The following ADGRB3 variants were observed in gnomAD, a reference collection of about 807,000 sequenced individuals.
ADGRB3 encodes adhesion G protein-coupled receptor B3.
In ADGRB3, 37 loss-of-function variants were observed where a neutral mutation model predicts 193.4. The observed-to-expected ratio is 0.19, with a 90% CI of 0.15 to 0.25. The LOEUF (loss-of-function observed/expected upper bound fraction) is 0.25. Ranked by LOEUF, ADGRB3 falls within the 10% of genes least tolerant of loss-of-function variation. The probability of loss-of-function intolerance (pLI) is 1.00; values close to 1 mark genes in which losing one functional copy is unlikely to be tolerated. For missense variants in ADGRB3, 1,637 were observed against 1,852.9 expected, an observed-to-expected ratio of 0.88 and a Z score of 2.14; for synonymous variants, 690 against 644.2, an observed-to-expected ratio of 1.07 and a Z score of -1.08.
chr6:68,952,187 T>C (rs1455000946), intron 6 of ADGRB3, among the ~76,000 whole-genome samples: 1 of 152,104 alleles, frequency 6.6e-6, no homozygotes, highest in East Asian at 1.9e-4. Context: ...ATGACACTAG[T>C]GTTTCTAGAA....
intron 17 of ADGRB3, among the ~76,000 whole-genome samples, chr6:69,147,000 G>A (rs1426516490): frequency 6.6e-6 from 1 of 151,522 alleles, no homozygotes; most frequent in Non-Finnish European, 1.5e-5. Flanking sequence ...CAGTGGTAAT[G>A]TCTCCTTTAT....
chr6:69,345,372 A>T (rs1769062725), intron 26 of ADGRB3, among the ~76,000 whole-genome samples: 1 of 152,180 alleles, frequency 6.6e-6, no homozygotes, highest in African/African-American at 2.4e-5. Flanking sequence ...GGCAAACTGA[A>T]TCCAACAGCA....
chr6:69,069,697 C>T (rs1772018612), intron 16 of ADGRB3, among the ~76,000 whole-genome samples: 1 of 142,122 alleles, frequency 7.0e-6, no homozygotes, highest in Non-Finnish European at 1.5e-5. Context: ...TGCCACTGCA[C>T]TCCAGGCTGG....
At chr6:69,007,693 TCACACACACACACACACA>T (rs764934080) in intron 11 of ADGRB3, among the ~76,000 whole-genome samples, 1 of 90,080 alleles carries the variant, frequency 1.1e-5, no homozygotes, top group South Asian at 3.3e-4. Context: ...TCTCTCTCTC[TCACACACACACACACACA>T]CACACACACA....
At chr6:69,128,300 A>G (rs1773911816) in intron 17 of ADGRB3, among the ~76,000 whole-genome samples, 1 of 152,164 alleles carries the variant, frequency 6.6e-6, no homozygotes, top group African/African-American at 2.4e-5. Context: ...TTTTACTTAA[A>G]GACTTAATTC....
chr6:68,773,160 T>C (rs1160898224), intron 3 of ADGRB3, among the ~76,000 whole-genome samples: 1 of 151,776 alleles, frequency 6.6e-6, no homozygotes, highest in Non-Finnish European at 1.5e-5. Flanking sequence ...TGTCTTATTT[T>C]TTCTCAGCCA....
chr6:69,316,607 T>A (rs1768318215), intron 20 of ADGRB3, among the ~76,000 whole-genome samples: 1 of 151,488 alleles, frequency 6.6e-6, no homozygotes, highest in Admixed American at 6.6e-5. Flanking sequence ...TCCCATAATT[T>A]GTAAGTGAAA....
At chr6:68,894,049 T>C (rs1003986409) in intron 3 of ADGRB3, among the ~76,000 whole-genome samples, 2 of 151,964 alleles carry the variant, frequency 1.3e-5, no homozygotes, top group Non-Finnish European at 1.5e-5. Context: ...TAAAAAGTAA[T>C]CCTGCTACAG....
chr6:69,095,311 C>T (rs537207064), intron 17 of ADGRB3, among the ~76,000 whole-genome samples: 1 of 150,330 alleles, frequency 6.7e-6, no homozygotes, highest in African/African-American at 2.4e-5. Context: ...TCATGGGAGG[C>T]CTTCAACAGA....
intron 31 of ADGRB3, 110 bp from the exon 32 acceptor site, chr6:69,388,593 C>T: frequency 9.6e-7 from 1 of 1,042,864 alleles, no homozygotes; most frequent in Non-Finnish European, 1.4e-6. Context: ...GTCATCTCTG[C>T]ATCACAGAAA....
At chr6:69,352,116 C>T (rs1202873696) in intron 26 of ADGRB3, among the ~76,000 whole-genome samples, 4 of 152,044 alleles carry the variant, frequency 2.6e-5, no homozygotes, top group African/African-American at 7.2e-5. Flanking sequence ...AACAGATATA[C>T]TTTCTTAATG....
rs547762000 is a variant in ADGRB3, at chr6:68,800,810, CATT to C, written c.758-129747_758-129745del. Among the ~76,000 whole-genome samples the C allele has an allele frequency of 3.0e-3, 457 of 152,148 alleles. 6 individuals carry two copies. The highest frequency in any genetic ancestry group is 0.011 in the African/African-American group (446 of 41,514). ...TGAAATTGTTATACAAAAATAAAAG[CATT>C]AATATTATGACTTAAGACAGGTACA... On this transcript the variant is annotated intron_variant, in intron 3 of 31. Coordinates refer to ENST00000370598, the MANE Select transcript of ADGRB3 (RefSeq NM_001704.3).
Position 68,779,230 on chromosome 6 carries a change from A to ATGTGTGTG in ADGRB3, c.757+139822_757+139829dup, listed in dbSNP as rs4038665. Among the ~76,000 whole-genome samples, 282 of 144,602 alleles carry ATGTGTGTG rather than the reference A, an allele frequency of 2.0e-3. 1 individual carries two copies. Among genetic ancestry groups the ATGTGTGTG allele is most frequent in the East Asian group, 0.018 (89 of 4,826 alleles). The allele number at this position is 144,602 out of a possible 152,430, so 94.9% of individuals were successfully genotyped here. On this transcript the variant is annotated intron_variant, in intron 3 of 31. Coordinates refer to ENST00000370598, the MANE Select transcript of ADGRB3 (RefSeq NM_001704.3). ...TTTGTATTGTATATATGTATATATT[A>ATGTGTGTG]TGTGTGTGTGTGTGTGTGTGTGTGT...
At chr6:69,214,297 A>G (rs1170878980) in intron 17 of ADGRB3, among the ~76,000 whole-genome samples, 1 of 152,142 alleles carries the variant, frequency 6.6e-6, no homozygotes, top group Non-Finnish European at 1.5e-5. Flanking sequence ...TCAGCTTAGT[A>G]ATACATGACT....
At chr6:68,844,101 A>G (rs1469083070) in intron 3 of ADGRB3, among the ~76,000 whole-genome samples, 1 of 152,188 alleles carries the variant, frequency 6.6e-6, no homozygotes, top group Non-Finnish European at 1.5e-5. Context: ...CCTCTGGGAC[A>G]TTGGTCTGGG....
intron 3 of ADGRB3, among the ~76,000 whole-genome samples, chr6:68,853,474 T>C (rs992016554): frequency 6.6e-6 from 1 of 152,070 alleles, no homozygotes; most frequent in Non-Finnish European, 1.5e-5. Flanking sequence ...AGGTTTTCAT[T>C]ACTGGAGAAA....
chr6:69,367,746 A>G (rs980160874), intron 29 of ADGRB3, among the ~76,000 whole-genome samples: 3 of 152,036 alleles, frequency 2.0e-5, no homozygotes, highest in Admixed American at 6.6e-5. Context: ...GAACCAACCC[A>G]AATGTCCAAC....
intron 3 of ADGRB3, among the ~76,000 whole-genome samples, chr6:68,917,460 C>T (rs902920433): frequency 6.6e-6 from 1 of 151,604 alleles, no homozygotes; most frequent in Non-Finnish European, 1.5e-5. Context: ...TGATAAGTTT[C>T]TAAATATTTG....
At chr6:69,012,404 A>G (rs1165001933) in intron 11 of ADGRB3, among the ~76,000 whole-genome samples, 1 of 152,014 alleles carries the variant, frequency 6.6e-6, no homozygotes, top group Non-Finnish European at 1.5e-5. Context: ...CTTTTGCCTC[A>G]TTAGCACCAT....
Sources: gnomAD v4.1 joint callset for allele counts (sites outside exome capture counted in the v4.1 genomes callset) on GRCh38, gnomAD v4.1.1 for gene constraint, MANE v1.5 for transcripts, NCBI Gene and HGNC (gene_info 2026-07-23, HGNC 2026-07-21) for gene names.